EIF3F: variants seen among roughly 807,000 people sequenced by gnomAD.
EIF3F encodes eukaryotic translation initiation factor 3 subunit F.
Under a neutral mutation model 36.0 loss-of-function variants are expected in EIF3F, and 8 were observed. The observed-to-expected ratio is 0.22, with a 90% CI of 0.13 to 0.40. The LOEUF is 0.40. Among genes scored for constraint, EIF3F ranks in the 10% least tolerant of loss-of-function variants. The pLI is 1.00. For synonymous variants in EIF3F, 184 were observed against 188.5 expected, an observed-to-expected ratio of 0.98 and a Z score of 0.19; for missense variants, 430 against 467.6, an observed-to-expected ratio of 0.92 and a Z score of 0.74.
At chr11:7,993,776 C>G (rs1430615266) in intron 4 of EIF3F, among the ~76,000 whole-genome samples, 1 of 152,130 alleles carries the variant, frequency 6.6e-6, no homozygotes, top group Non-Finnish European at 1.5e-5. Flanking sequence ...CCACTAAGCA[C>G]TAGCCATTGC....
In EIF3F at chr11:8,000,718, T is replaced by A. The variant is rs1033944099; in HGVS notation, c.*4696T>A. On this transcript the variant is annotated 3_prime_UTR_variant, in exon 8 of 8. Transcript: ENST00000651655. ...TTTCAAGCAAGTAAAGATAGATTAC[T>A]TAAGAGCGAATGAGTGGTAATTTGG... The A allele has an allele frequency of 3.3e-5, 5 of 152,168 alleles. No individual in the cohort carries two copies. Among genetic ancestry groups the A allele is most frequent in the Non-Finnish European group, 7.3e-5 (5 of 68,034 alleles). The allele number at this position is 152,168 out of a possible 1,614,324, so 9.4% of individuals were successfully genotyped here. A position where few individuals can be genotyped will look rare whatever the true frequency, so the allele number is the denominator to read the frequency against.
At position 7,996,235 on chromosome 11, in the gene EIF3F, C is replaced by T; in HGVS notation, c.*213C>T. 1.9e-6 allele frequency: 1 copy of T among 516,224 alleles called. No individual in the cohort carries two copies. Among genetic ancestry groups the T allele is most frequent in the Non-Finnish European group, 3.5e-6 (1 of 288,886 alleles). The allele number at this position is 516,224 out of a possible 1,614,324, so 32.0% of individuals were successfully genotyped here. A position where few individuals can be genotyped will look rare whatever the true frequency, so the allele number is the denominator to read the frequency against. ...GAAAATGTTTTAGATCACACAGAAACTAGGAAGTGAATATTGTAGGTAGAG... is the reference window on the plus strand; with the variant it reads ...GAAAATGTTTTAGATCACACAGAAATTAGGAAGTGAATATTGTAGGTAGAG... On this transcript the variant is annotated 3_prime_UTR_variant, in exon 8 of 8. Transcript: ENST00000651655.
Position 7,990,865 on chromosome 11 carries a change from G to GAATAAATAAATA in EIF3F, c.365-889_365-878dup, listed in dbSNP as rs58906269. Among the ~76,000 whole-genome samples the GAATAAATAAATA allele has an allele frequency of 1.1e-3, 149 of 136,682 alleles. 1 individual carries two copies. The highest frequency in any genetic ancestry group is 1.8e-3 in the South Asian group (7 of 3,862). 89.7% of individuals were successfully genotyped at this position (136,682 alleles called of 152,430 possible). On this transcript the variant is annotated intron_variant, in intron 1 of 7. Coordinates refer to ENST00000651655, the MANE Select transcript of EIF3F (RefSeq NM_003754.3). ...TTAGGTCAAGAAACAAATGTAGTGG[G>GAATAAATAAATA]AATAAATAAATAAATAAATAAATAA... is the stretch of plus-strand genomic sequence containing the variant.
chr11:7,991,737 A>T, intron 1 of EIF3F, 44 bp from the exon 2 acceptor site: 1 of 1,594,706 alleles, frequency 6.3e-7, no homozygotes, highest in Non-Finnish European at 8.6e-7. Context: ...GGTTGTTGGG[A>T]GCCCTAGGAT....
At chr11:7,991,638 T>C (rs1660086455) in intron 1 of EIF3F, 143 bp from the exon 2 acceptor site, 5 of 786,928 alleles carry the variant, frequency 6.4e-6, no homozygotes, top group African/African-American at 5.1e-5. Context: ...GTCCCATCGA[T>C]GCACCGGACT....
At chr11:7,990,921 A>G (rs573062590) in intron 1 of EIF3F, among the ~76,000 whole-genome samples, 1 of 151,476 alleles carries the variant, frequency 6.6e-6, no homozygotes, top group South Asian at 2.1e-4. Context: ...CAGCCTGGGC[A>G]CCATGGCTCA....
intron 3 of EIF3F, 179 bp from the exon 4 acceptor site, chr11:7,992,708 A>C (rs1354223992): frequency 1.3e-6 from 1 of 776,994 alleles, no homozygotes; most frequent in African/African-American, 1.7e-5. Flanking sequence ...CATCAGCACT[A>C]AGTCAGCCTT....
chr11:7,996,640 C>T lies in EIF3F; in HGVS notation c.*618C>T, dbSNP rs1338951642. 2 of 152,216 alleles carry T rather than the reference C, an allele frequency of 1.3e-5. No homozygotes were observed. The highest frequency in any genetic ancestry group is 4.8e-5 in the African/African-American group (2 of 41,434). 9.4% of individuals were successfully genotyped at this position (152,216 alleles called of 1,614,324 possible). On this transcript the variant is annotated 3_prime_UTR_variant, in exon 8 of 8. Transcript: ENST00000651655. Reference sequence around the variant, plus strand: ...GAGTTATACTGAGGTCTGCCAGTGGCTCAATTTAAGCAAAGACTAGATGGC... The same window carrying T: ...GAGTTATACTGAGGTCTGCCAGTGGTTCAATTTAAGCAAAGACTAGATGGC...
At position 8,001,326 on chromosome 11, in the gene EIF3F, C is replaced by G. The variant is rs1564889119; in HGVS notation, c.*5304C>G. ...CCTCTCTATGTAATTTTGTGTTTGT[C>G]AAAATTACAAATATGCATGCCCTTA... On this transcript the variant is annotated 3_prime_UTR_variant, in exon 8 of 8. Coordinates refer to ENST00000651655, the MANE Select transcript of EIF3F (RefSeq NM_003754.3). 6.6e-6 allele frequency: 1 copy of G among 152,242 alleles called. No individual in the cohort carries two copies. Among genetic ancestry groups the G allele is most frequent in the East Asian group, 1.9e-4 (1 of 5,190 alleles). 9.4% of individuals were successfully genotyped at this position (152,242 alleles called of 1,614,324 possible).
chr11:7,995,319 G>T lies in EIF3F; in HGVS notation c.948G>T (p.Pro316=), dbSNP rs374187325. ...TGATGAGCCTGGTTAACCAAGTACC[G>T]AAAATAGTTCCCGATGACTTTGAGA... ...RFLMSLVNQV[P]KIVPDDFETM... Residue 316 remains proline, a synonymous_variant, in exon 7 of 8, where the codon CCG becomes CCT. Transcript: ENST00000651655. The T allele has an allele frequency of 6.2e-7, 1 of 1,614,002 alleles. No homozygotes were observed. The highest frequency in any genetic ancestry group is 1.3e-5 in the African/African-American group (1 of 74,916).
At chr11:7,991,736 G>A in intron 1 of EIF3F, 45 bp from the exon 2 acceptor site, 1 of 1,593,500 alleles carries the variant, frequency 6.3e-7, no homozygotes, top group South Asian at 1.1e-5. Context: ...AGGTTGTTGG[G>A]AGCCCTAGGA....
chr11:7,988,947 C>T (rs1384862871), intron 1 of EIF3F, among the ~76,000 whole-genome samples: 1 of 152,204 alleles, frequency 6.6e-6, no homozygotes, highest in Admixed American at 6.5e-5. Context: ...CTATCTTTGA[C>T]GGTATAGCAT....
chr11:7,995,349 G>T lies in EIF3F; in HGVS notation c.978G>T (p.Met326Ile). Residue 326 changes from methionine (M) to isoleucine (I), a missense_variant, in exon 7 of 8, where the codon ATG becomes ATT. Transcript: ENST00000651655. ...PKIVPDDFET[M>I]LNSNINDLLM... ...TAGTTCCCGATGACTTTGAGACCAT[G>T]CTCAACAGCAACATCAATGTGAGTG... 1 of 1,614,034 alleles carries T rather than the reference G, an allele frequency of 6.2e-7. No homozygotes were observed. The highest frequency in any genetic ancestry group is 8.5e-7 in the Non-Finnish European group (1 of 1,179,906).
At chr11:7,987,864 C>G in intron 1 of EIF3F, 148 bp downstream of exon 1, 1 of 1,214,428 alleles carries the variant, frequency 8.2e-7, no homozygotes, top group Non-Finnish European at 1.1e-6. Context: ...CTGCATCCTA[C>G]CTTTTGCTGT....
rs747423679 is a variant in EIF3F, at chr11:7,993,040, G to A, written c.653+16G>A. 2.6e-6 allele frequency: 4 copies of A among 1,562,446 alleles called. No individual in the cohort carries two copies. The highest frequency in any genetic ancestry group is 1.4e-5 in the African/African-American group (1 of 73,426). On this transcript the variant is annotated intron_variant, in intron 4 of 7. Transcript: ENST00000651655. ...CCTACGTCAGGTGACCACAGTCTTG[G>A]GCTACAAGGGCATAAAACCATGCCC...
chr11:7,991,630 C>G (rs1373841606), intron 1 of EIF3F, 151 bp from the exon 2 acceptor site: 1 of 753,050 alleles, frequency 1.3e-6, no homozygotes, highest in Non-Finnish European at 2.4e-6. Context: ...GAATTCTGGT[C>G]CCATCGATGC....
At position 7,997,699 on chromosome 11, in the gene EIF3F, T is replaced by TA. The variant is rs1310389133; in HGVS notation, c.*1677_*1678insA. 1.5e-3 allele frequency: 236 copies of TA among 152,318 alleles called. No individual in the cohort carries two copies. The highest frequency in any genetic ancestry group is 5.0e-3 in the African/African-American group (206 of 41,562). The allele number at this position is 152,318 out of a possible 1,614,324, so 9.4% of individuals were successfully genotyped here. On this transcript the variant is annotated 3_prime_UTR_variant, in exon 8 of 8. Coordinates refer to ENST00000651655, the MANE Select transcript of EIF3F (RefSeq NM_003754.3). ...TAATGTTGAATGAAAAAAGCTGGTGTCAGAAGACATGTACATTATGATACT... is the reference window on the plus strand; with the variant it reads ...TAATGTTGAATGAAAAAAGCTGGTGTACAGAAGACATGTACATTATGATACT...
At position 7,995,030 on chromosome 11, in the gene EIF3F, T is replaced by C. The variant is rs1032496529; in HGVS notation, c.794T>C (p.Leu265Pro). Residue 265 changes from leucine to proline, a missense_variant, in exon 6 of 8, where the codon CTC becomes CCC. Leu to Pro is a moderately conservative substitution (Grantham distance 98, BLOSUM62 -3). Transcript: ENST00000651655. The stretch of plus-strand genomic sequence containing the variant: ...TTTAGCCCCAACAGAGTGATTGGAC[T>C]CTCAAGTGACTTGCAGCAAGTAGGA... ...TCFSPNRVIG[L>P]SSDLQQVGGA... 6.2e-7 allele frequency: 1 copy of C among 1,613,892 alleles called. No homozygotes were observed. The highest frequency in any genetic ancestry group is 1.3e-5 in the African/African-American group (1 of 75,012).
Position 7,997,478 on chromosome 11 carries a change from G to A in EIF3F, c.*1456G>A, listed in dbSNP as rs546644816. ...TTTGAGAAATAAGCATAGAAAAGGT[G>A]GATAAAACAAAAGATGGCAAAACAA... On this transcript the variant is annotated 3_prime_UTR_variant, in exon 8 of 8. Coordinates refer to ENST00000651655, the MANE Select transcript of EIF3F (RefSeq NM_003754.3). 8.1e-4 allele frequency: 124 copies of A among 152,168 alleles called. No homozygotes were observed. The highest frequency in any genetic ancestry group is 2.9e-3 in the African/African-American group (120 of 41,526). The allele number at this position is 152,168 out of a possible 1,614,324, so 9.4% of individuals were successfully genotyped here. A position where few individuals can be genotyped will look rare whatever the true frequency, so the allele number is the denominator to read the frequency against.
Sources: gnomAD v4.1 joint callset for allele counts (sites outside exome capture counted in the v4.1 genomes callset) on GRCh38, gnomAD v4.1.1 for gene constraint, MANE v1.5 for transcripts, NCBI Gene and HGNC (gene_info 2026-07-23, HGNC 2026-07-21) for gene names.